Variants in RGL1 observed in about 807,000 individuals in gnomAD.
RGL1 encodes ral guanine nucleotide dissociation stimulator like 1.
A neutral mutation model predicts 95.2 loss-of-function variants in RGL1; 24 were observed. The ratio of observed to expected loss-of-function variants is 0.25; its 90% CI spans 0.18 to 0.35. The LOEUF is 0.35. Ranked by LOEUF, RGL1 falls within the 10% of genes least tolerant of loss-of-function variation. The pLI is 1.00. For missense variants in RGL1, 715 were observed against 936.3 expected (o/e 0.76, Z 3.08); for synonymous variants, 329 against 344.9 (o/e 0.95, Z 0.51).
chr1:183,708,880 G>A (rs1054074583), intron 1 of RGL1, among the ~76,000 whole-genome samples: 1 of 152,186 alleles, frequency 6.6e-6, no homozygotes, highest in African/African-American at 2.4e-5. Context: ...ACGCGGACCG[G>A]GGCCCCTTCC....
At chr1:183,884,115 A>G (rs1038034779) in intron 6 of RGL1, among the ~76,000 whole-genome samples, 2 of 152,256 alleles carry the variant, frequency 1.3e-5, no homozygotes, top group African/African-American at 4.8e-5. Flanking sequence ...TTGCAACTCT[A>G]GGAGAAGGTG....
intron 2 of RGL1, among the ~76,000 whole-genome samples, chr1:183,821,007 C>A (rs921871332): frequency 1.3e-5 from 2 of 151,982 alleles, no homozygotes; most frequent in Admixed American, 6.6e-5. Flanking sequence ...GTGGTGGGCG[C>A]CTGTAATCCC....
In RGL1 at chr1:183,724,966, C is replaced by A. The variant is rs1257919300; in HGVS notation, c.-32-17160C>A. 6.7e-6 allele frequency among the ~76,000 whole-genome samples: 1 copy of A among 150,202 alleles called. No individual in the cohort carries two copies. On this transcript the variant is annotated intron_variant, in intron 1 of 18. Coordinates refer to the RGL1 transcript ENST00000304685. This position sits in a 1 kb window ranked among gnomAD's most constrained non-coding sequence, Gnocchi z 4.1. ...TCTCCCCCAGCTCTAGGCACCACAACACACACACACACACACGGAGGGAAG... is the reference window on the plus strand; with the variant it reads ...TCTCCCCCAGCTCTAGGCACCACAAAACACACACACACACACGGAGGGAAG...
At chr1:183,849,465 A>C (rs981713411) in intron 3 of RGL1, among the ~76,000 whole-genome samples, 4 of 141,390 alleles carry the variant, frequency 2.8e-5, no homozygotes, top group South Asian at 4.6e-4. Flanking sequence ...TAGACATTTA[A>C]GTTTTCTCCA....
intron 2 of RGL1, among the ~76,000 whole-genome samples, chr1:183,831,030 G>A (rs1029463830): frequency 4.6e-5 from 7 of 152,182 alleles, no homozygotes; most frequent in Admixed American, 2.0e-4. Flanking sequence ...CAGAGACACA[G>A]TGGTGGGCAA....
At chr1:183,917,616 A>G (rs1669056975) in intron 16 of RGL1, among the ~76,000 whole-genome samples, 1 of 152,250 alleles carries the variant, frequency 6.6e-6, no homozygotes, top group South Asian at 2.1e-4. Context: ...AGTCAACAAA[A>G]TATCAAACAT....
At chr1:183,650,978 GAA>G (rs1650709862) in intron 1 of RGL1, among the ~76,000 whole-genome samples, 1 of 152,050 alleles carries the variant, frequency 6.6e-6, no homozygotes, top group Admixed American at 6.5e-5. Flanking sequence ...TTTTTTGCGT[GAA>G]GTTTTCCTTA....
At chr1:183,817,562 G>A (rs140290285) in intron 2 of RGL1, among the ~76,000 whole-genome samples, 1 of 152,254 alleles carries the variant, frequency 6.6e-6, no homozygotes, top group East Asian at 1.9e-4. Context: ...AGCATCTAAA[G>A]ATCTTTTCCT....
intron 2 of RGL1, among the ~76,000 whole-genome samples, chr1:183,759,453 T>C (rs1025629935): frequency 6.6e-6 from 1 of 152,222 alleles, no homozygotes; most frequent in African/African-American, 2.4e-5. Context: ...GGCTTTTGCT[T>C]GGTTAATTTG....
intron 1 of RGL1, among the ~76,000 whole-genome samples, chr1:183,731,943 A>G (rs1656651409): frequency 6.6e-6 from 1 of 152,176 alleles, no homozygotes. Flanking sequence ...TGGAGAACAC[A>G]GGCTTAACTT....
At position 183,670,770 on chromosome 1, in the gene RGL1, C is replaced by T. The variant is rs150283869; in HGVS notation, c.-33+34269C>T. ...TGATGTTAGGATGGAGTAGCAACTT[C>T]CAAGCTCCTTACATGCTGAACCAGT... On this transcript the variant is annotated intron_variant, in intron 1 of 18. Transcript: ENST00000304685. Among the ~76,000 whole-genome samples, 275 of 152,332 alleles carry T rather than the reference C, an allele frequency of 1.8e-3. 1 individual carries two copies. The highest frequency in any genetic ancestry group is 3.4e-3 in the Non-Finnish European group (228 of 68,028).
intron 2 of RGL1, among the ~76,000 whole-genome samples, chr1:183,787,710 G>T (rs572402951): frequency 9.9e-5 from 15 of 152,144 alleles, no homozygotes; most frequent in Admixed American, 9.2e-4. Context: ...TTAACAGGGG[G>T]TGTTTGGGTC....
At chr1:183,845,778 A>G (rs1280229318) in intron 2 of RGL1, among the ~76,000 whole-genome samples, 1 of 152,160 alleles carries the variant, frequency 6.6e-6, no homozygotes, top group East Asian at 1.9e-4. Flanking sequence ...TACTCCAACC[A>G]TGGCCAGTTT....
chr1:183,696,075 C>T (rs1654234935), intron 1 of RGL1, among the ~76,000 whole-genome samples: 2 of 152,190 alleles, frequency 1.3e-5, no homozygotes, highest in African/African-American at 4.8e-5. Flanking sequence ...CTCTCCTAAG[C>T]CCAGTCCAAT....
chr1:183,647,801 G>T, intron 1 of RGL1: 1 of 1,614,078 alleles, frequency 6.2e-7, no homozygotes. Context: ...TGGTTTCCTG[G>T]AATGACATTT....
At chr1:183,884,020 A>T in intron 6 of RGL1, 110 bp downstream of exon 6, 5 of 1,171,312 alleles carry the variant, frequency 4.3e-6, no homozygotes, top group Non-Finnish European at 6.2e-6. Context: ...GTCTTCTTGA[A>T]TCCTTGAGAC....
intron 3 of RGL1, among the ~76,000 whole-genome samples, chr1:183,858,773 C>G (rs1404743785): frequency 6.6e-6 from 1 of 152,126 alleles, no homozygotes; most frequent in Non-Finnish European, 1.5e-5. Context: ...CCTTTGGCCT[C>G]TACTAAAGCT....
intron 1 of RGL1, among the ~76,000 whole-genome samples, chr1:183,704,940 T>G (rs938384831): frequency 1.3e-5 from 2 of 152,088 alleles, no homozygotes; most frequent in Non-Finnish European, 2.9e-5. Context: ...ACCTGGAAGG[T>G]GGGTCCCTTA....
At chr1:183,737,254 C>T (rs1462951653) in intron 1 of RGL1, among the ~76,000 whole-genome samples, 5 of 152,138 alleles carry the variant, frequency 3.3e-5, no homozygotes, top group Admixed American at 1.3e-4. Flanking sequence ...TAATACTTAA[C>T]GTTTTCAAGA....
Sources: allele counts gnomAD v4.1 joint callset (sites outside exome capture counted in the v4.1 genomes callset), GRCh38; gene constraint gnomAD v4.1.1; non-coding constraint Gnocchi (gnomAD v3.1); transcripts MANE v1.5; gene names NCBI Gene and HGNC (gene_info 2026-07-23, HGNC 2026-07-21).